PRKCZ: variants seen among roughly 807,000 people sequenced by gnomAD.
PRKCZ encodes protein kinase C zeta, also known as protein kinase C zeta type.
A neutral mutation model predicts 79.5 loss-of-function variants in PRKCZ; 33 were observed. The ratio of observed to expected loss-of-function variants is 0.41; its 90% CI spans 0.31 to 0.55. The LOEUF is 0.55. PRKCZ is among the 20% of genes least tolerant of loss of function. PRKCZ has a pLI of 0.19. For synonymous variants in PRKCZ, 342 were observed against 320.9 expected, an observed-to-expected ratio of 1.07 and a Z score of -0.70; for missense variants, 578 against 813.5, an observed-to-expected ratio of 0.71 and a Z score of 3.52.
In PRKCZ at chr1:2,168,983, A is replaced by G; in HGVS notation, c.975-535A>G. The stretch of plus-strand genomic sequence containing the variant: ...GCGGATCTTTTAAAATCATACGATC[A>G]TGTCTGCGAAACCGGGATGCCACTT... On this transcript the variant is annotated intron_variant, in intron 10 of 17. Transcript: ENST00000378567. The surrounding 1 kb of genome is among the most constrained non-coding windows in gnomAD (Gnocchi z 4.7). 2.7e-6 allele frequency: 1 copy of G among 364,430 alleles called. No homozygotes were observed. The highest frequency in any genetic ancestry group is 5.6e-6 in the Non-Finnish European group (1 of 178,396). 22.6% of individuals were successfully genotyped at this position (364,430 alleles called of 1,614,324 possible).
In PRKCZ at chr1:2,174,950, G is replaced by C; in HGVS notation, c.1485+117G>C. 9.0e-7 allele frequency: 1 copy of C among 1,110,684 alleles called. No individual in the cohort carries two copies. 68.8% of individuals were successfully genotyped at this position (1,110,684 alleles called of 1,614,324 possible). ...TCGGCTGCTGTGTATCGGGTGTGTG[G>C]GTTGATTTTCCGCTTCAGTATTTGA... On this transcript the variant is annotated intron_variant, in intron 15 of 17. Transcript: ENST00000378567. The surrounding 1 kb of genome is among the most constrained non-coding windows in gnomAD (Gnocchi z 6.2).
chr1:2,075,869 C>T lies in PRKCZ; in HGVS notation c.334+16278C>T, dbSNP rs1446554555. Among the ~76,000 whole-genome samples the T allele has an allele frequency of 1.3e-5, 2 of 152,254 alleles. No individual in the cohort carries two copies. The highest frequency in any genetic ancestry group is 4.8e-5 in the African/African-American group (2 of 41,460). The stretch of plus-strand genomic sequence containing the variant: ...GAAGTTCCCGTGCTTGTGACCTGCT[C>T]TCGTGTGTGTAGCAGCGGGGGCTGC... On this transcript the variant is annotated intron_variant, in intron 4 of 17. Transcript: ENST00000378567. The surrounding 1 kb of genome is among the most constrained non-coding windows in gnomAD (Gnocchi z 4.8).
At chr1:2,104,722 T>C in intron 4 of PRKCZ, 1 of 985,634 alleles carries the variant, frequency 1.0e-6, no homozygotes, top group Non-Finnish European at 1.2e-6. Context: ...GGTCAGAACA[T>C]CGCTCGGTGC....
At chr1:2,112,696 T>C (rs373698257) in intron 4 of PRKCZ, among the ~76,000 whole-genome samples, 1 of 151,486 alleles carries the variant, frequency 6.6e-6, no homozygotes, top group East Asian at 1.9e-4. Context: ...GGTTGGTTTT[T>C]TTTTTTTTTG....
intron 10 of PRKCZ, chr1:2,156,746 T>A (rs1681131710): frequency 6.6e-6 from 1 of 152,344 alleles, no homozygotes; most frequent in African/African-American, 2.4e-5. Flanking sequence ...AGTCACAAGC[T>A]CCCAAGAGCC....
At chr1:2,155,362 TGATGGTGATGACAGTGGTGATGATGGA>T (rs1680782325) in intron 9 of PRKCZ, among the ~76,000 whole-genome samples, 1 of 150,704 alleles carries the variant, frequency 6.6e-6, no homozygotes, top group African/African-American at 2.5e-5. Flanking sequence ...ATGACGGTGA[TGATGGTGATGACAGTGGTGATGATGGA>T]GATGGTGATG....
At chr1:2,055,303 G>A in intron 1 of PRKCZ, 138 bp from the exon 2 acceptor site, 1 of 1,058,186 alleles carries the variant, frequency 9.5e-7, no homozygotes. Flanking sequence ...GTGGGAGGGG[G>A]GAGGGGGTGG....
intron 1 of PRKCZ, among the ~76,000 whole-genome samples, chr1:2,052,680 G>A (rs1009146652): frequency 1.3e-5 from 2 of 152,132 alleles, no homozygotes; most frequent in African/African-American, 4.8e-5. Context: ...GCCTCTCTGA[G>A]GGGACTGGCT....
chr1:2,133,158 C>T (rs1675332747), intron 4 of PRKCZ, among the ~76,000 whole-genome samples: 1 of 152,196 alleles, frequency 6.6e-6, no homozygotes, highest in Non-Finnish European at 1.5e-5. Flanking sequence ...CAGGGTTTCC[C>T]AGGCGCACTG....
Position 2,172,905 on chromosome 1 carries a change from G to A in PRKCZ, c.1285+517G>A, listed in dbSNP as rs549405089. On this transcript the variant is annotated intron_variant, in intron 13 of 17. Transcript: ENST00000378567. This position sits in a 1 kb window ranked among gnomAD's most constrained non-coding sequence, Gnocchi z 7.8. ...GTGTGTGAAACGGGGACGTGGGCAC[G>A]CGTGTGCAGCCGTGTGTGCGTGTGT... Among the ~76,000 whole-genome samples the A allele has an allele frequency of 1.3e-3, 198 of 152,242 alleles. 1 individual carries two copies. The highest frequency in any genetic ancestry group is 4.3e-3 in the African/African-American group (177 of 41,524).
chr1:2,153,975 C>T (rs1680419963), intron 9 of PRKCZ, among the ~76,000 whole-genome samples: 2 of 152,260 alleles, frequency 1.3e-5, no homozygotes, highest in Non-Finnish European at 1.5e-5. Context: ...ACCGATTCTG[C>T]AGCGCCAGCC....
chr1:2,109,018 C>T (rs1357979718), intron 4 of PRKCZ, among the ~76,000 whole-genome samples: 1 of 152,200 alleles, frequency 6.6e-6, no homozygotes, highest in Admixed American at 6.5e-5. Flanking sequence ...TCTCACGTCA[C>T]CGCCTCTGAT....
At chr1:2,087,414 T>C (rs1664712408) in intron 4 of PRKCZ, among the ~76,000 whole-genome samples, 2 of 151,990 alleles carry the variant, frequency 1.3e-5, no homozygotes, top group Non-Finnish European at 2.9e-5. Flanking sequence ...TACCTTTGGG[T>C]GGTGAGGCGC....
At chr1:2,087,118 T>C (rs1172429956) in intron 4 of PRKCZ, among the ~76,000 whole-genome samples, 1 of 152,204 alleles carries the variant, frequency 6.6e-6, no homozygotes, top group Non-Finnish European at 1.5e-5. Context: ...AATCTTGCTC[T>C]GTCACCCAGG....
intron 4 of PRKCZ, among the ~76,000 whole-genome samples, chr1:2,079,354 G>A (rs1197728848): frequency 6.6e-6 from 1 of 152,198 alleles, no homozygotes; most frequent in East Asian, 1.9e-4. Flanking sequence ...TTTGTTCTGG[G>A]TAAAGATTAG....
intron 5 of PRKCZ, among the ~76,000 whole-genome samples, chr1:2,138,998 T>TTA (rs1420313847): frequency 7.9e-5 from 12 of 152,160 alleles, no homozygotes; most frequent in Non-Finnish European, 1.3e-4. Flanking sequence ...CAGAGGGTCT[T>TTA]TAGACTCAGC....
intron 4 of PRKCZ, among the ~76,000 whole-genome samples, chr1:2,104,342 G>A (rs1192656092): frequency 6.6e-6 from 1 of 152,174 alleles, no homozygotes; most frequent in African/African-American, 2.4e-5. Context: ...CTAGCCCCAC[G>A]GGCTGAGGGA....
chr1:2,112,399 T>C (rs578128046), intron 4 of PRKCZ, among the ~76,000 whole-genome samples: 1 of 152,250 alleles, frequency 6.6e-6, no homozygotes, highest in East Asian at 1.9e-4. Flanking sequence ...GCAATGAGGA[T>C]GAACGAGCCT....
chr1:2,056,721 T>C, intron 3 of PRKCZ, 148 bp downstream of exon 3: 2 of 696,170 alleles, frequency 2.9e-6, no homozygotes, highest in Non-Finnish European at 4.4e-6. Context: ...TTGGGTTTTT[T>C]TCTTTGACTT....
Sources: allele counts gnomAD v4.1 joint callset (sites outside exome capture counted in the v4.1 genomes callset), GRCh38; gene constraint gnomAD v4.1.1; non-coding constraint Gnocchi (gnomAD v3.1); transcripts MANE v1.5; gene names NCBI Gene and HGNC (gene_info 2026-07-23, HGNC 2026-07-21).